Variants in C7orf78 observed in about 807,000 individuals in gnomAD.
C7orf78 encodes the protein putative uncharacterized protein C7orf78.
At chr7:12,509,710 A>G in the C7orf78 span, among the ~76,000 whole-genome samples, 1 of 152,182 alleles carries the variant, frequency 6.6e-6, no homozygotes, top group Non-Finnish European at 1.5e-5. Flanking sequence ...TATGAGTGAG[A>G]ACATGCAGTG....
At chr7:12,495,270 C>G in the C7orf78 span, among the ~76,000 whole-genome samples, 30,627 of 152,120 alleles carry the variant, frequency 0.2, 3,303 homozygotes, top group Middle Eastern at 0.27. Flanking sequence ...TGTGACATGT[C>G]AGATGGTGGC....
chr7:12,522,815 G>A, the C7orf78 span, among the ~76,000 whole-genome samples: 1 of 152,146 alleles, frequency 6.6e-6, no homozygotes, highest in African/African-American at 2.4e-5. Context: ...TTGCAGCAAT[G>A]ATATTTTTTT....
the C7orf78 span, among the ~76,000 whole-genome samples, chr7:12,514,161 A>G: frequency 6.6e-6 from 1 of 152,068 alleles, no homozygotes. Flanking sequence ...GTATCCCACT[A>G]TTATTATATT....
chr7:12,526,995 G>C, the C7orf78 span, among the ~76,000 whole-genome samples: 1 of 146,110 alleles, frequency 6.8e-6, no homozygotes, highest in Non-Finnish European at 1.5e-5. Flanking sequence ...CCATCTAGCT[G>C]TGTAACTGAA....
chr7:12,522,899 G>C, the C7orf78 span: 1 of 396,980 alleles, frequency 2.5e-6, no homozygotes, highest in African/African-American at 2.1e-5. Context: ...AGATTAACTT[G>C]TCCTGGAGAG....
chr7:12,491,340 T>C, the C7orf78 span: 1 of 152,194 alleles, frequency 6.6e-6, no homozygotes, highest in Non-Finnish European at 1.5e-5. Context: ...AAATAATTTA[T>C]GGTGCAGCAA....
the C7orf78 span, among the ~76,000 whole-genome samples, chr7:12,539,972 G>C: frequency 6.6e-6 from 1 of 152,158 alleles, no homozygotes; most frequent in African/African-American, 2.4e-5. Context: ...AAGGAACTCA[G>C]ATAAAACAAA....
chr7:12,523,144 A>G, the C7orf78 span: 2 of 398,468 alleles, frequency 5.0e-6, no homozygotes. Context: ...ATGTATGGGA[A>G]ATAAAGCCTC....
At chr7:12,531,506 A>G in the C7orf78 span, among the ~76,000 whole-genome samples, 8 of 151,998 alleles carry the variant, frequency 5.3e-5, no homozygotes, top group Non-Finnish European at 1.2e-4. Context: ...TTCTGATCCT[A>G]TTTTCTCAGG....
chr7:12,530,186 A>T, the C7orf78 span, among the ~76,000 whole-genome samples: 1 of 152,068 alleles, frequency 6.6e-6, no homozygotes, highest in African/African-American at 2.4e-5. Context: ...TAAGGTAAAG[A>T]GTGGGGGTTG....
At chr7:12,523,584 C>T in the C7orf78 span, among the ~76,000 whole-genome samples, 1 of 152,014 alleles carries the variant, frequency 6.6e-6, no homozygotes, top group Non-Finnish European at 1.5e-5. Flanking sequence ...TGGTACAATA[C>T]AATTCACATT....
chr7:12,512,557 A>G, the C7orf78 span, among the ~76,000 whole-genome samples: 1 of 152,244 alleles, frequency 6.6e-6, no homozygotes, highest in South Asian at 2.1e-4. Flanking sequence ...CATGGTGTAT[A>G]TCTTTTTGAT....
the C7orf78 span, chr7:12,528,830 A>T: frequency 2.5e-6 from 1 of 397,308 alleles, no homozygotes; most frequent in Non-Finnish European, 4.4e-6. Context: ...TCCAAAAATG[A>T]TACATCTGAG....
chr7:12,506,766 T>G, the C7orf78 span: 30 of 325,802 alleles, frequency 9.2e-5, no homozygotes, highest in African/African-American at 6.5e-4. Flanking sequence ...ATTGTGCACA[T>G]GTACCCTAGA....
At chr7:12,522,521 G>C in the C7orf78 span, among the ~76,000 whole-genome samples, 3 of 152,138 alleles carry the variant, frequency 2.0e-5, no homozygotes, top group African/African-American at 7.2e-5. Context: ...TAGGTCAAAT[G>C]TTATTGCCTT....
the C7orf78 span, among the ~76,000 whole-genome samples, chr7:12,529,948 T>C: frequency 6.6e-6 from 1 of 152,116 alleles, no homozygotes; most frequent in African/African-American, 2.4e-5. Flanking sequence ...ACATGCAAAT[T>C]AAGGGGTGGG....
chr7:12,504,972 G>A, the C7orf78 span, among the ~76,000 whole-genome samples: 3 of 151,796 alleles, frequency 2.0e-5, no homozygotes, highest in Admixed American at 6.6e-5. Flanking sequence ...ATATATCTAG[G>A]CAAAGGAACT....
the C7orf78 span, among the ~76,000 whole-genome samples, chr7:12,503,430 A>G: frequency 6.6e-6 from 1 of 152,056 alleles, no homozygotes; most frequent in East Asian, 1.9e-4. Context: ...TGATATAATT[A>G]CTGATAAAAT....
chr7:12,521,952 T>G, the C7orf78 span, among the ~76,000 whole-genome samples: 1 of 152,064 alleles, frequency 6.6e-6, no homozygotes, highest in Non-Finnish European at 1.5e-5. Context: ...TAGCCCTTTA[T>G]AAAATAAAAA....
Sources: gnomAD v4.1 joint callset for allele counts (sites outside exome capture counted in the v4.1 genomes callset) on GRCh38, gnomAD v4.1.1 for gene constraint, MANE v1.5 for transcripts, NCBI Gene and HGNC (gene_info 2026-07-23, HGNC 2026-07-21) for gene names.